Variants in ASIC4 observed in about 807,000 individuals in gnomAD.
ASIC4 encodes the protein acid sensing ion channel subunit family member 4.
In ASIC4, 28 loss-of-function variants were observed where a neutral mutation model predicts 53.4. The observed-to-expected ratio is 0.52, with a 90% CI of 0.39 to 0.72. The LOEUF (loss-of-function observed/expected upper bound fraction) is 0.72, where lower values mean the gene tolerates loss of function less well. Ranked by LOEUF, ASIC4 falls within the 30% of genes least tolerant of loss-of-function variation. The probability of loss-of-function intolerance (pLI) is 0.00; values close to 1 mark genes in which losing one functional copy is unlikely to be tolerated. For synonymous variants in ASIC4, 289 were observed against 301.4 expected (o/e 0.96, Z 0.43); for missense variants, 649 against 729.7 (o/e 0.89, Z 1.27).
rs1240502010 is a variant in ASIC4 at position 219,531,801 on chromosome 2, C to T, written c.626C>T (p.Pro209Leu). Residue 209 changes from proline (P) to leucine (L), a missense_variant, in exon 2 of 10, where the codon CCG becomes CTG. Physicochemically the swap from Pro to Leu is moderately conservative, Grantham distance 98. Transcript: ENST00000358078. ...AAGTGTTACACCTTCAACGCGGACCCGCGGAGCTCGCTGCCCAGCCGGGCA... is the reference window on the plus strand; with the variant it reads ...AAGTGTTACACCTTCAACGCGGACCTGCGGAGCTCGCTGCCCAGCCGGGCA... Reference protein sequence around the residue: ...YGKCYTFNADPRSSLPSRAGG... With the variant: ...YGKCYTFNADLRSSLPSRAGG... 1.2e-6 allele frequency: 2 copies of T among 1,613,140 alleles called. No individual in the cohort carries two copies. The highest frequency in any genetic ancestry group is 1.3e-5 in the African/African-American group (1 of 75,038).
chr2:219,514,477 C>G (rs948358996), upstream of ASIC4: 43 of 1,550,398 alleles, frequency 2.8e-5, no homozygotes, highest in Non-Finnish European at 3.5e-5. Context: ...CACAAGGAGA[C>G]GATCGAGGAG....
At chr2:219,531,454 C>T (rs1460286231) in intron 1 of ASIC4, among the ~76,000 whole-genome samples, 1 of 151,906 alleles carries the variant, frequency 6.6e-6, no homozygotes, top group Non-Finnish European at 1.5e-5. Context: ...GAAATTCCGA[C>T]TTGAGAAACT....
In ASIC4 at chr2:219,537,029, G is replaced by A. The variant is rs2385538; in HGVS notation, c.1230-37G>A. The A allele has an allele frequency of 0.45, 718,321 of 1,581,912 alleles. 167,171 individuals are homozygous for A. The highest frequency in any genetic ancestry group is 0.52 in the Admixed American group (31,014 of 59,414). ...GCCCCTGCCAGCCTTCTCAGGAAGAGAGGCCCACACGGATACCCTGCTTCC... is the reference window on the plus strand; with the variant it reads ...GCCCCTGCCAGCCTTCTCAGGAAGAAAGGCCCACACGGATACCCTGCTTCC... On this transcript the variant is annotated intron_variant, in intron 6 of 9. Transcript: ENST00000358078. This position sits in a 1 kb window ranked among gnomAD's most constrained non-coding sequence, Gnocchi z 4.9.
intron 1 of ASIC4, among the ~76,000 whole-genome samples, chr2:219,521,244 C>A (rs1265228058): frequency 6.6e-6 from 1 of 152,212 alleles, no homozygotes; most frequent in Non-Finnish European, 1.5e-5. Context: ...CCCACCCAGC[C>A]CCACTCAGCA....
At chr2:219,535,621 GTGTC>G (rs1383731348) in intron 6 of ASIC4, among the ~76,000 whole-genome samples, 3 of 151,550 alleles carry the variant, frequency 2.0e-5, no homozygotes, top group African/African-American at 7.3e-5. Context: ...GTGAGAGAAT[GTGTC>G]TATGTCTGTG....
intron 2 of ASIC4, 30 bp downstream of exon 2, chr2:219,531,932 C>T (rs758544463): frequency 1.2e-6 from 2 of 1,611,856 alleles, no homozygotes; most frequent in Non-Finnish European, 1.7e-6. Flanking sequence ...ACAAGGGCCA[C>T]CTTGGGGACT....
At chr2:219,529,703 T>A (rs1374482740) in intron 1 of ASIC4, among the ~76,000 whole-genome samples, 1 of 152,190 alleles carries the variant, frequency 6.6e-6, no homozygotes, top group Non-Finnish European at 1.5e-5. Flanking sequence ...TGTGATGTCC[T>A]CATCTGAAGT....
chr2:219,525,362 C>T (rs759970018), intron 1 of ASIC4, among the ~76,000 whole-genome samples: 66 of 152,256 alleles, frequency 4.3e-4, no homozygotes, highest in Admixed American at 9.2e-4. Flanking sequence ...AAACTGAGGC[C>T]CAGAGAAGTT....
At chr2:219,520,363 G>A (rs909170632) in intron 1 of ASIC4, among the ~76,000 whole-genome samples, 1 of 152,054 alleles carries the variant, frequency 6.6e-6, no homozygotes, top group Non-Finnish European at 1.5e-5. Flanking sequence ...AAGCATGCAA[G>A]CCCTCTCTCT....
At chr2:219,528,230 TTC>T (rs1427886653) in intron 1 of ASIC4, among the ~76,000 whole-genome samples, 3 of 152,206 alleles carry the variant, frequency 2.0e-5, no homozygotes, top group Non-Finnish European at 4.4e-5. Flanking sequence ...AATTTTGTTT[TTC>T]TGTTTTTTTG....
In ASIC4 at chr2:219,518,015, C is replaced by T. The variant is rs559021590; in HGVS notation, c.582+2709C>T. On this transcript the variant is annotated intron_variant, in intron 1 of 9. Transcript: ENST00000358078. This position sits in a 1 kb window ranked among gnomAD's most constrained non-coding sequence, Gnocchi z 4.8. Reference sequence around the variant, plus strand: ...CCTCCCCCAGTCCCCTCTGCTGCTGCTCTTGCTTCTGTTACCACTGCAATC... The same window carrying T: ...CCTCCCCCAGTCCCCTCTGCTGCTGTTCTTGCTTCTGTTACCACTGCAATC... Among the ~76,000 whole-genome samples the T allele has an allele frequency of 2.6e-4, 40 of 152,280 alleles. No homozygotes were observed. The highest frequency in any genetic ancestry group is 5.0e-4 in the Non-Finnish European group (34 of 68,032).
rs745596053 is a variant in ASIC4 at position 219,515,004 on chromosome 2, A to T, written c.280A>T (p.Thr94Ser). 2.5e-6 allele frequency: 4 copies of T among 1,612,948 alleles called. No homozygotes were observed. The highest frequency in any genetic ancestry group is 1.7e-5 in the Admixed American group (1 of 59,980). ...QAAGLARGYL[T>S]RPHLVAMDPA... The stretch of plus-strand genomic sequence containing the variant: ...GGCTGGCCTGGCCCGGGGCTACCTG[A>T]CCCGGCCTCACCTGGTGGCAATGGA... Residue 94 changes from threonine to serine, a missense_variant, in exon 1 of 10, where the codon ACC becomes TCC. Thr to Ser is a moderately conservative substitution (Grantham distance 58). Coordinates refer to ENST00000358078, the MANE Select transcript of ASIC4 (RefSeq NM_018674.6).
At chr2:219,523,935 C>T (rs570404997) in intron 1 of ASIC4, among the ~76,000 whole-genome samples, 137 of 152,202 alleles carry the variant, frequency 9.0e-4, no homozygotes, top group Admixed American at 2.3e-3. Flanking sequence ...GAGATCCTCC[C>T]ACCTCAGCCT....
At chr2:219,532,779 A>T in intron 4 of ASIC4, 104 bp from the exon 5 acceptor site, 1 of 1,117,662 alleles carries the variant, frequency 8.9e-7, no homozygotes, top group South Asian at 1.4e-5. Flanking sequence ...CATTTATGCA[A>T]ATGTGTGCAT....
upstream of ASIC4, chr2:219,514,112 T>C (rs1694736513): frequency 1.8e-6 from 1 of 564,002 alleles, no homozygotes; most frequent in Non-Finnish European, 3.1e-6. Flanking sequence ...AAGAATGAGC[T>C]GAGGACCCTG....
intron 1 of ASIC4, among the ~76,000 whole-genome samples, chr2:219,528,898 C>T (rs758640428): frequency 2.6e-5 from 4 of 152,156 alleles, no homozygotes; most frequent in African/African-American, 4.8e-5. Flanking sequence ...CAGTGACTTG[C>T]GATAAGAGCA....
At chr2:219,534,023 C>T (rs1695085755) in intron 5 of ASIC4, 1 of 124,548 alleles carries the variant, frequency 8.0e-6, no homozygotes, top group African/African-American at 3.4e-5. Context: ...TACAGAGTTA[C>T]CCTGTCTCAA....
In ASIC4 at chr2:219,538,288, G is replaced by A. The variant is rs1030907402; in HGVS notation, c.*242G>A. 3 of 515,208 alleles carry A rather than the reference G, an allele frequency of 5.8e-6. No homozygotes were observed. The highest frequency in any genetic ancestry group is 4.5e-5 in the South Asian group (2 of 44,238). 31.9% of individuals were successfully genotyped at this position (515,208 alleles called of 1,614,324 possible). ...TGGAGACCAGGCCATGGGCCCTCAC[G>A]GAGAGGAAGGGAAGGAAGGAGAGGG... On this transcript the variant is annotated 3_prime_UTR_variant, in exon 10 of 10. Coordinates refer to ENST00000358078, the MANE Select transcript of ASIC4 (RefSeq NM_018674.6).
chr2:219,537,282 C>A lies in ASIC4; in HGVS notation c.1362C>A (p.Ser454Arg). The change falls in exon 8 of 10, where the codon AGC (serine) becomes AGA (arginine). Residue 454 changes from serine (S) to arginine (R), a missense_variant. Coordinates refer to ENST00000358078, the MANE Select transcript of ASIC4 (RefSeq NM_018674.6). The surrounding 1 kb of genome is among the most constrained non-coding windows in gnomAD (Gnocchi z 4.9). Reference protein sequence around the residue: ...GGQMGLFIGASILTLLEILDY... With the variant: ...GGQMGLFIGARILTLLEILDY... ...AGATGGGCCTGTTCATTGGGGCCAG[C>A]ATCCTCACGTTGCTGGAGATCCTCG... The A allele has an allele frequency of 6.2e-7, 1 of 1,613,692 alleles. No individual in the cohort carries two copies. The highest frequency in any genetic ancestry group is 8.5e-7 in the Non-Finnish European group (1 of 1,179,884).
Sources: gnomAD v4.1 joint callset for allele counts (sites outside exome capture counted in the v4.1 genomes callset) on GRCh38, gnomAD v4.1.1 for gene constraint, Gnocchi (gnomAD v3.1) non-coding constraint, MANE v1.5 for transcripts, NCBI Gene and HGNC (gene_info 2026-07-23, HGNC 2026-07-21) for gene names.